The following SH3D21 variants were observed in gnomAD, a reference collection of about 807,000 sequenced individuals.
SH3D21 encodes the protein SH3 domain-containing protein 21.
A neutral mutation model predicts 82.1 loss-of-function variants in SH3D21; 83 were observed. The ratio of observed to expected loss-of-function variants is 1.01; its 90% CI spans 0.85 to 1.21. SH3D21 has a LOEUF of 1.21. Ranked by LOEUF, SH3D21 falls within the 50% of genes most tolerant of loss-of-function variation. The pLI, the probability that SH3D21 is intolerant of heterozygous loss-of-function variation, is 0.00. For missense variants in SH3D21, 980 were observed against 962.1 expected, an observed-to-expected ratio of 1.02 and a Z score of -0.25; for synonymous variants, 383 against 387.8, an observed-to-expected ratio of 0.99 and a Z score of 0.15.
At chr1:36,309,386 G>A (rs1646193106) in intron 9 of SH3D21, 162 bp from the exon 10 acceptor site, 3 of 673,368 alleles carry the variant, frequency 4.5e-6, no homozygotes, top group South Asian at 2.1e-5. Flanking sequence ...TAGTAGAGAC[G>A]GGATTTTGCC....
downstream of SH3D21, among the ~76,000 whole-genome samples, chr1:36,326,678 G>A (rs1646548710): frequency 6.6e-6 from 1 of 152,232 alleles, no homozygotes; most frequent in Non-Finnish European, 1.5e-5. Context: ...AGCAGGGAGG[G>A]TGGTGAGTAG....
chr1:36,327,188 A>AT (rs35555314), downstream of SH3D21, among the ~76,000 whole-genome samples: 121,838 of 152,052 alleles, frequency 0.8, 50,325 homozygotes, highest in East Asian at 0.94. Flanking sequence ...TGAGGCCAGA[A>AT]TTTGCCCACT....
chr1:36,318,230 G>C (rs1398172737), intron 10 of SH3D21, among the ~76,000 whole-genome samples: 1 of 152,200 alleles, frequency 6.6e-6, no homozygotes, highest in Non-Finnish European at 1.5e-5. Context: ...GATGGGGACT[G>C]TGGGGAAAGG....
downstream of SH3D21, chr1:36,322,094 T>G: frequency 1.5e-6 from 2 of 1,345,962 alleles, no homozygotes; most frequent in African/African-American, 1.5e-5. Context: ...AGAGAGGGAG[T>G]GGGGACCCTG....
intron 11 of SH3D21, 47 bp from the exon 12 acceptor site, chr1:36,319,213 C>G: frequency 1.3e-6 from 2 of 1,548,922 alleles, no homozygotes; most frequent in East Asian, 4.9e-5. Context: ...GGAGGCAACG[C>G]CCCTCCCTGT....
Position 36,319,258 on chromosome 1 carries a change from A to C in SH3D21, c.864-2A>C. On this transcript the variant is annotated splice_acceptor_variant, in intron 11 of 15. Coordinates refer to ENST00000453908, the MANE Select transcript of SH3D21 (RefSeq NM_001162530.2). LOFTEE classifies it high-confidence loss of function. Reference sequence around the variant, plus strand: ...TGAGGGCCTGATGAAGATATGTTCCAGGACATCTCGGACACCCAGCAGGGA... The same window carrying C: ...TGAGGGCCTGATGAAGATATGTTCCCGGACATCTCGGACACCCAGCAGGGA... 1 of 1,551,676 alleles carries C rather than the reference A, an allele frequency of 6.4e-7. No homozygotes were observed. The highest frequency in any genetic ancestry group is 8.7e-7 in the Non-Finnish European group (1 of 1,146,976).
chr1:36,314,116 C>T (rs1189187650), intron 10 of SH3D21, among the ~76,000 whole-genome samples: 2 of 150,486 alleles, frequency 1.3e-5, no homozygotes, highest in East Asian at 3.9e-4. Flanking sequence ...GCTGGGACTA[C>T]AGGCGCCCGC....
intron 10 of SH3D21, among the ~76,000 whole-genome samples, chr1:36,310,448 T>C (rs1165948125): frequency 2.0e-5 from 3 of 152,098 alleles, no homozygotes; most frequent in Non-Finnish European, 4.4e-5. Flanking sequence ...ACCTTGTCTC[T>C]ACTATAAAAA....
Position 36,320,510 on chromosome 1 carries a change from T to G in SH3D21, c.1847T>G (p.Val616Gly), listed in dbSNP as rs1242507182. 1 of 1,613,414 alleles carries G rather than the reference T, an allele frequency of 6.2e-7. No individual in the cohort carries two copies. The highest frequency in any genetic ancestry group is 1.3e-5 in the African/African-American group (1 of 74,762). The change falls in exon 14 of 16, where the codon GTG becomes GGG. Residue 616 changes from valine to glycine, a missense_variant. Transcript: ENST00000453908. ...PNEQRPLREE[V>G]LPKEGVASKE... Reference sequence around the variant, plus strand: ...GAGCAGAGGCCTCTGAGAGAGGAGGTGCTCCCCAAAGAGGGAGTGGCTTCC... The same window carrying G: ...GAGCAGAGGCCTCTGAGAGAGGAGGGGCTCCCCAAAGAGGGAGTGGCTTCC...
chr1:36,313,327 C>CAATAAATA (rs60993866), intron 10 of SH3D21, among the ~76,000 whole-genome samples: 5,043 of 142,532 alleles, frequency 0.035, 145 homozygotes, highest in African/African-American at 0.063. Flanking sequence ...CTCTGTCTCA[C>CAATAAATA]AATAAATAAA....
intron 9 of SH3D21, 99 bp downstream of exon 9, chr1:36,308,574 A>C: frequency 2.1e-6 from 2 of 932,736 alleles, no homozygotes; most frequent in Non-Finnish European, 3.3e-6. Context: ...AGGGTCACTA[A>C]ATGAGGGTGG....
In SH3D21 at chr1:36,320,485, G is replaced by A. The variant is rs1299670318; in HGVS notation, c.1822G>A (p.Glu608Lys). Residue 608 changes from glutamate (E) to lysine (K), a missense_variant, in exon 14 of 16, where the codon GAG (glutamate) becomes AAG (lysine). Glu to Lys is a moderately conservative substitution (Grantham distance 56). Coordinates refer to ENST00000453908, the MANE Select transcript of SH3D21 (RefSeq NM_001162530.2). ...RTPEEEAPPN[E>K]QRPLREEVLP... Reference sequence around the variant, plus strand: ...CCCTGAAGAGGAGGCGCCCCCCAACGAGCAGAGGCCTCTGAGAGAGGAGGT... The same window carrying A: ...CCCTGAAGAGGAGGCGCCCCCCAACAAGCAGAGGCCTCTGAGAGAGGAGGT... The A allele has an allele frequency of 9.9e-6, 16 of 1,613,886 alleles. No homozygotes were observed. The highest frequency in any genetic ancestry group is 1.3e-5 in the Non-Finnish European group (15 of 1,179,982).
At chr1:36,318,914 A>G (rs1473149693) in intron 10 of SH3D21, among the ~76,000 whole-genome samples, 157 bp from the exon 11 acceptor site, 1 of 143,292 alleles carries the variant, frequency 7.0e-6, no homozygotes, top group Non-Finnish European at 1.5e-5. Flanking sequence ...TAATAATAAT[A>G]ATAATAATAA....
downstream of SH3D21, chr1:36,322,781 A>G: frequency 6.6e-7 from 1 of 1,521,700 alleles, no homozygotes; most frequent in Non-Finnish European, 8.9e-7. Context: ...GGGTTGTCCC[A>G]CTTCCGAAAG....
At chr1:36,323,044 CT>C, downstream of SH3D21, 2 of 1,599,752 alleles carry the variant, frequency 1.3e-6, no homozygotes, top group Non-Finnish European at 1.7e-6. Flanking sequence ...CCATGCTGCT[CT>C]GGGGGGCAGC....
Position 36,320,272 on chromosome 1 carries a change from C to T in SH3D21, c.1609C>T (p.Pro537Ser), listed in dbSNP as rs765181983. Residue 537 changes from proline (P) to serine (S), a missense_variant, in exon 14 of 16, where the codon CCA becomes TCA. By Grantham distance (74) the Pro-to-Ser change is moderately conservative. Coordinates refer to ENST00000453908, the MANE Select transcript of SH3D21 (RefSeq NM_001162530.2). ...QEEAHTPEAP[P>S]PQPPSSERCL... ...GGAGGCCCACACGCCAGAGGCACCCCCACCCCAGCCTCCTTCCTCAGAGAG... is the reference window on the plus strand; with the variant it reads ...GGAGGCCCACACGCCAGAGGCACCCTCACCCCAGCCTCCTTCCTCAGAGAG... The T allele has an allele frequency of 5.0e-6, 8 of 1,612,784 alleles. No individual in the cohort carries two copies. The South Asian group carries it at 7.7e-5, about 15-fold the overall frequency.
At position 36,313,967 on chromosome 1, in the gene SH3D21, A is replaced by ATTTTTTTTTTTTTTTT. The variant is rs1207014644; in HGVS notation, c.769+4381_769+4382insTTTTTTTTTTTTTTTT. ...TCTGATGGCTAATGATGCTGAACAT[A>ATTTTTTTTTTTTTTTT]TTTTCTTTTTTTTTTTTTTTTTTTT... On this transcript the variant is annotated intron_variant, in intron 10 of 15. Transcript: ENST00000453908. 2.2e-4 allele frequency among the ~76,000 whole-genome samples: 8 copies of ATTTTTTTTTTTTTTTT among 36,936 alleles called. 1 individual carries two copies. Among genetic ancestry groups the ATTTTTTTTTTTTTTTT allele is most frequent in the Non-Finnish European group, 3.8e-4 (6 of 15,966 alleles). 24.2% of individuals were successfully genotyped at this position (36,936 alleles called of 152,430 possible).
At chr1:36,322,310 G>A (rs373435016), downstream of SH3D21, 82 of 1,543,160 alleles carry the variant, frequency 5.3e-5, no homozygotes, top group African/African-American at 1.1e-3. Flanking sequence ...AATAGTGCAT[G>A]CGGCCCAGGG....
At position 36,315,759 on chromosome 1, in the gene SH3D21, T is replaced by C. The variant is rs117428154; in HGVS notation, c.770-3312T>C. The stretch of plus-strand genomic sequence containing the variant: ...CTTCTGTCATTCCTCCCTCCTAACA[T>C]TGCTGTCACGCTGTTCATTCCTTGT... On this transcript the variant is annotated intron_variant, in intron 10 of 15. Coordinates refer to ENST00000453908, the MANE Select transcript of SH3D21 (RefSeq NM_001162530.2). 1.4e-4 allele frequency among the ~76,000 whole-genome samples: 21 copies of C among 152,340 alleles called. 1 individual carries two copies. The East Asian group carries it at 3.7e-3, about 27-fold the overall frequency.
Sources: allele counts gnomAD v4.1 joint callset (sites outside exome capture counted in the v4.1 genomes callset), GRCh38; gene constraint gnomAD v4.1.1; transcripts MANE v1.5; gene names NCBI Gene and HGNC (gene_info 2026-07-23, HGNC 2026-07-21).